Variants in PHF7 observed in about 807,000 individuals in gnomAD.
The protein encoded by PHF7 is E3 ubiquitin-protein ligase PHF7.
Under a neutral mutation model 47.5 loss-of-function variants are expected in PHF7, and 24 were observed. That is an observed-to-expected ratio of 0.51 (90% confidence interval 0.37 to 0.71). PHF7 has a LOEUF of 0.71. Among genes scored for constraint, PHF7 ranks in the 30% least tolerant of loss-of-function variants. The pLI is 0.00. For synonymous variants in PHF7, 156 were observed against 153.8 expected (o/e 1.01, Z -0.11); for missense variants, 361 against 456.8 (o/e 0.79, Z 1.91).
At chr3:52,419,780 G>A in intron 4 of PHF7, 53 bp from the exon 5 acceptor site, 1 of 999,514 alleles carries the variant, frequency 1.0e-6, no homozygotes, top group Non-Finnish European at 1.6e-6. Flanking sequence ...TCACCTCACT[G>A]CACTGTTTCA....
Position 52,417,179 on chromosome 3 carries a change from A to G in PHF7, c.186+2592A>G, listed in dbSNP as rs551701574. Among the ~76,000 whole-genome samples the G allele has an allele frequency of 7.9e-5, 12 of 152,318 alleles. 1 individual carries two copies. The highest frequency in any genetic ancestry group is 1.7e-4 in the African/African-American group (7 of 41,582). On this transcript the variant is annotated intron_variant, in intron 4 of 10. Coordinates refer to ENST00000327906, the MANE Select transcript of PHF7 (RefSeq NM_016483.7). Reference sequence around the variant, plus strand: ...CATTGATCTATGTATCTATTCTTACACAAGTCCCCACTGTCTTGATTATTG... The same window carrying G: ...CATTGATCTATGTATCTATTCTTACGCAAGTCCCCACTGTCTTGATTATTG...
intron 4 of PHF7, among the ~76,000 whole-genome samples, chr3:52,415,532 T>C (rs1705597074): frequency 6.6e-6 from 1 of 152,236 alleles, no homozygotes; most frequent in Non-Finnish European, 1.5e-5. Context: ...GAAAGTTCCC[T>C]CCTGCCTCCT....
intron 1 of PHF7, among the ~76,000 whole-genome samples, chr3:52,411,835 A>C (rs1281192770): frequency 6.6e-6 from 1 of 152,236 alleles, no homozygotes; most frequent in Non-Finnish European, 1.5e-5. Context: ...TACCTTCTGC[A>C]CTTTTGGCTA....
chr3:52,414,171 C>A, intron 3 of PHF7, 123 bp downstream of exon 3: 1 of 685,936 alleles, frequency 1.5e-6, no homozygotes, highest in Non-Finnish European at 2.6e-6. Context: ...CCTAGATTCT[C>A]TAAGATCTTG....
intron 4 of PHF7, among the ~76,000 whole-genome samples, chr3:52,416,513 C>G (rs1705630848): frequency 6.6e-6 from 1 of 150,636 alleles, no homozygotes; most frequent in Non-Finnish European, 1.5e-5. Context: ...TGTTAAGTAT[C>G]TGTACAAATA....
chr3:52,423,421 G>A lies in PHF7; in HGVS notation c.*104G>A, dbSNP rs151202591. The A allele has an allele frequency of 2.4e-5, 17 of 703,106 alleles. No homozygotes were observed. Among genetic ancestry groups the A allele is most frequent in the Non-Finnish European group, 3.7e-5 (15 of 408,150 alleles). The allele number at this position is 703,106 out of a possible 1,614,324, so 43.6% of individuals were successfully genotyped here. A position where few individuals can be genotyped will look rare whatever the true frequency, so the allele number is the denominator to read the frequency against. ...TGGGACTGTGAGACAAGGAAGCAGG[G>A]CCAGCAGTGAGACTATGAGCCAAGC... On this transcript the variant is annotated 3_prime_UTR_variant, in exon 11 of 11. Transcript: ENST00000327906.
chr3:52,411,524 T>C (rs1705433528), intron 1 of PHF7, among the ~76,000 whole-genome samples: 1 of 152,242 alleles, frequency 6.6e-6, no homozygotes, highest in African/African-American at 2.4e-5. Flanking sequence ...TCCTTATTCA[T>C]GCAGAATAGT....
chr3:52,422,815 T>G lies in PHF7; in HGVS notation c.853T>G (p.Cys285Gly). 1 of 1,614,036 alleles carries G rather than the reference T, an allele frequency of 6.2e-7. No individual in the cohort carries two copies. Among genetic ancestry groups the G allele is most frequent in the Non-Finnish European group, 8.5e-7 (1 of 1,179,910 alleles). The change falls in exon 10 of 11, where the codon TGC (cysteine) becomes GGC (glycine). Residue 285 changes from cysteine (C) to glycine (G), a missense_variant. Cys to Gly is a radical substitution (Grantham distance 159). Coordinates refer to ENST00000327906, the MANE Select transcript of PHF7 (RefSeq NM_016483.7). The part of the protein sequence containing the change: ...TCGSHGTHRD[C>G]SSLRSNSKKW... ...CGGATCCCACGGAACCCACAGGGACTGCTCCTCTCTTAGATCTAACAGTAA... is the reference window on the plus strand; with the variant it reads ...CGGATCCCACGGAACCCACAGGGACGGCTCCTCTCTTAGATCTAACAGTAA...
intron 3 of PHF7, 33 bp from the exon 4 acceptor site, chr3:52,414,463 T>G (rs971003142): frequency 7.7e-7 from 1 of 1,291,076 alleles, no homozygotes; most frequent in Non-Finnish European, 1.1e-6. Flanking sequence ...TAATGGTCAA[T>G]TTGAGCCAAA....
rs76566659 is a variant in PHF7 at position 52,422,547 on chromosome 3, G to A, written c.797+209G>A. On this transcript the variant is annotated intron_variant, in intron 9 of 10. Transcript: ENST00000327906. ...AGGTCCGCTTCACCTTGTGCCCAGT[G>A]GAGAGACATTCAGAGCCAATTCCTT... is the stretch of plus-strand genomic sequence containing the variant. The A allele has an allele frequency of 1.2e-3, 802 of 653,308 alleles. 6 individuals carry two copies. In the African/African-American group the frequency reaches 0.013, roughly 11 times the overall value. The allele number at this position is 653,308 out of a possible 1,614,324, so 40.5% of individuals were successfully genotyped here. A position where few individuals can be genotyped will look rare whatever the true frequency, so the allele number is the denominator to read the frequency against.
At chr3:52,421,931 C>T (rs143436346) in intron 8 of PHF7, 177 bp downstream of exon 8, 19 of 505,960 alleles carry the variant, frequency 3.8e-5, no homozygotes, top group Middle Eastern at 4.5e-4. Flanking sequence ...AAGAAGTTTG[C>T]GGGGGAATGG....
rs750786792 is a variant in PHF7, at chr3:52,423,149, G to A, written c.978G>A (p.Glu326=). Residue 326 remains glutamate (E), a synonymous_variant, in exon 11 of 11, where the codon GAG becomes GAA. Coordinates refer to ENST00000327906, the MANE Select transcript of PHF7 (RefSeq NM_016483.7). ...IPCCSSTFHP[E]EHFCRDNTLE... ...GCTGCAGCAGCACCTTCCACCCTGAGGAACATTTCTGCAGAGACAACACCT... is the reference window on the plus strand; with the variant it reads ...GCTGCAGCAGCACCTTCCACCCTGAAGAACATTTCTGCAGAGACAACACCT... 1.2e-6 allele frequency: 2 copies of A among 1,613,968 alleles called. No homozygotes were observed. The highest frequency in any genetic ancestry group is 1.7e-6 in the Non-Finnish European group (2 of 1,179,956).
chr3:52,419,795 T>A (rs1217615048), intron 4 of PHF7, 38 bp from the exon 5 acceptor site: 6 of 1,127,768 alleles, frequency 5.3e-6, no homozygotes, highest in Non-Finnish European at 8.0e-6. Context: ...GTTTCACTGA[T>A]CATCATTGTT....
At chr3:52,421,155 C>A in intron 7 of PHF7, 93 bp downstream of exon 7, 1 of 1,161,746 alleles carries the variant, frequency 8.6e-7, no homozygotes, top group Non-Finnish European at 1.2e-6. Context: ...TGTGCCTCAG[C>A]TTTGGTGCTC....
At position 52,412,935 on chromosome 3, in the gene PHF7, C is replaced by CA. The variant is rs1559597151; in HGVS notation, c.41+16dup. The stretch of plus-strand genomic sequence containing the variant: ...CAGAGATTGAGGTAGAAGTAGTTGA[C>CA]ATAGGGAATTTGGGAGAAATTGTCC... On this transcript the variant is annotated intron_variant, in intron 2 of 10. Coordinates refer to ENST00000327906, the MANE Select transcript of PHF7 (RefSeq NM_016483.7). 1 of 1,601,080 alleles carries CA rather than the reference C, an allele frequency of 6.2e-7. No individual in the cohort carries two copies. Among genetic ancestry groups the CA allele is most frequent in the South Asian group, 1.1e-5 (1 of 90,792 alleles).
At chr3:52,422,558 CA>C in intron 9 of PHF7, 1 of 662,610 alleles carries the variant, frequency 1.5e-6, no homozygotes, top group East Asian at 2.7e-5. Flanking sequence ...GAGAGACATT[CA>C]GAGCCAATTC....
rs765951189 is a variant in PHF7 at position 52,421,653 on chromosome 3, T to C, written c.579T>C (p.Tyr193=). 5.7e-6 allele frequency: 9 copies of C among 1,585,820 alleles called. No homozygotes were observed. Among genetic ancestry groups the C allele is most frequent in the Middle Eastern group, 1.7e-4 (1 of 6,020 alleles). ...CTTCCCTGTTTCTCTTACAGAAATA[T>C]GCCCACACATCAGCAAAGCATTTCT... is the stretch of plus-strand genomic sequence containing the variant. The part of the protein sequence containing the change: ...AIYHRKCIQK[Y]AHTSAKHFFK... Residue 193 remains tyrosine (Y), a synonymous_variant, in exon 8 of 11, where the codon TAT becomes TAC. Transcript: ENST00000327906.
At position 52,422,383 on chromosome 3, in the gene PHF7, CTTAGAG is replaced by C. The variant is rs764007462; in HGVS notation, c.797+51_797+56del. 842 of 1,219,766 alleles carry C rather than the reference CTTAGAG, an allele frequency of 6.9e-4. 1 individual carries two copies. Among genetic ancestry groups the C allele is most frequent in the South Asian group, 2.2e-3 (179 of 83,062 alleles). 75.6% of individuals were successfully genotyped at this position (1,219,766 alleles called of 1,614,324 possible). A position where few individuals can be genotyped will look rare whatever the true frequency, so the allele number is the denominator to read the frequency against. The stretch of plus-strand genomic sequence containing the variant: ...TAGAAAGAGCTCTCATCAGTGCTAT[CTTAGAG>C]TTAGACCTTGGCACAGTTATTAGAA... On this transcript the variant is annotated intron_variant, in intron 9 of 10. Coordinates refer to ENST00000327906, the MANE Select transcript of PHF7 (RefSeq NM_016483.7).
rs1442337833 is a variant in PHF7, at chr3:52,422,356, G to T, written c.797+18G>T. ...GATGAAGGGTAGGGGAAGGCTTCTG[G>T]CTAGAAAGAGCTCTCATCAGTGCTA... On this transcript the variant is annotated intron_variant, in intron 9 of 10. Coordinates refer to ENST00000327906, the MANE Select transcript of PHF7 (RefSeq NM_016483.7). 3.5e-6 allele frequency: 5 copies of T among 1,444,310 alleles called. No individual in the cohort carries two copies. In the East Asian group the frequency reaches 1.1e-4, roughly 33 times the overall value. 89.5% of individuals were successfully genotyped at this position (1,444,310 alleles called of 1,614,324 possible).
Sources: allele counts gnomAD v4.1 joint callset (sites outside exome capture counted in the v4.1 genomes callset), GRCh38; gene constraint gnomAD v4.1.1; transcripts MANE v1.5; gene names NCBI Gene and HGNC (gene_info 2026-07-23, HGNC 2026-07-21).